The following GDAP2 variants were observed in gnomAD, a reference collection of about 807,000 sequenced individuals.
GDAP2 encodes ganglioside induced differentiation associated protein 2.
GDAP2 carries 51 observed loss-of-function variants against 67.0 expected under a neutral mutation model. That is an observed-to-expected ratio of 0.76 (90% CI 0.61 to 0.96). The LOEUF (loss-of-function observed/expected upper bound fraction) is 0.96. Among genes scored for constraint, GDAP2 ranks in the 40% least tolerant of loss-of-function variants. GDAP2 has a pLI of 0.00. For synonymous variants in GDAP2, 203 were observed against 207.3 expected, an observed-to-expected ratio of 0.98 and a Z score of 0.18; for missense variants, 547 against 588.3, an observed-to-expected ratio of 0.93 and a Z score of 0.73.
intron 8 of GDAP2, among the ~76,000 whole-genome samples, chr1:117,896,233 GTTTAC>G (rs1333663908): frequency 2.0e-5 from 3 of 152,120 alleles, no homozygotes; most frequent in Non-Finnish European, 4.4e-5. Context: ...TTTATAGTTT[GTTTAC>G]TTTAATTTTC....
In GDAP2 at chr1:117,881,697, T is replaced by C. The variant is rs1648651983; in HGVS notation, c.1302+126A>G. On this transcript the variant is annotated intron_variant, in intron 12 of 13. Transcript: ENST00000369443. The stretch of plus-strand genomic sequence containing the variant: ...ATCAGGACCACAACTCAAGATCACT[T>C]AGAAACCAGGAAATTAGCAGTCACA... 3 of 676,096 alleles carry C rather than the reference T, an allele frequency of 4.4e-6. No individual in the cohort carries two copies. In the South Asian group the frequency reaches 5.3e-5, roughly 12 times the overall value. The allele number at this position is 676,096 out of a possible 1,614,324, so 41.9% of individuals were successfully genotyped here.
chr1:117,912,821 ATC>A (rs1649908277), intron 3 of GDAP2, 138 bp from the exon 4 acceptor site: 1 of 702,340 alleles, frequency 1.4e-6, no homozygotes, highest in Non-Finnish European at 2.4e-6. Context: ...ACAAGCATTT[ATC>A]TCTGTTACTT....
chr1:117,878,233 G>C lies in GDAP2; in HGVS notation c.1303-81C>G, dbSNP rs566216203. 5.8e-5 allele frequency: 38 copies of C among 655,808 alleles called. No homozygotes were observed. The African/African-American group carries it at 6.5e-4, about 11-fold the overall frequency. 40.6% of individuals were successfully genotyped at this position (655,808 alleles called of 1,614,324 possible). On this transcript the variant is annotated intron_variant, in intron 12 of 13. Coordinates refer to ENST00000369443, the MANE Select transcript of GDAP2 (RefSeq NM_017686.4). ...AACACAATTTGGAAAATTTATAGTA[G>C]ATAAAAACTATATTTCAAAGTCTTA...
intron 3 of GDAP2, among the ~76,000 whole-genome samples, chr1:117,915,734 T>C (rs572132887): frequency 1.3e-5 from 2 of 152,136 alleles, no homozygotes; most frequent in Non-Finnish European, 2.9e-5. Context: ...ATTCACAAAG[T>C]GAATATAAGA....
Position 117,864,199 on chromosome 1 carries a change from T to A in GDAP2, c.*6370A>T, listed in dbSNP as rs536933779. ...AATAATATTCATGCTCTGAATTATT[T>A]GGATAATTGTATTAAAACCAAATAT... On this transcript the variant is annotated 3_prime_UTR_variant, in exon 14 of 14. Coordinates refer to ENST00000369443, the MANE Select transcript of GDAP2 (RefSeq NM_017686.4). The A allele has an allele frequency of 6.6e-6, 1 of 152,356 alleles. No homozygotes were observed. The highest frequency in any genetic ancestry group is 1.5e-5 in the Non-Finnish European group (1 of 68,038). The allele number at this position is 152,356 out of a possible 1,614,324, so 9.4% of individuals were successfully genotyped here.
chr1:117,921,301 C>T (rs912301690), intron 1 of GDAP2, among the ~76,000 whole-genome samples: 1 of 152,092 alleles, frequency 6.6e-6, no homozygotes, highest in Non-Finnish European at 1.5e-5. Flanking sequence ...ACTGGGCACA[C>T]ACTGGTGAAT....
In GDAP2 at chr1:117,874,229, G is replaced by A. The variant is rs550600055; in HGVS notation, c.1447-3613C>T. Among the ~76,000 whole-genome samples, 5 of 152,292 alleles carry A rather than the reference G, an allele frequency of 3.3e-5. No homozygotes were observed. The South Asian group carries it at 1.0e-3, about 32-fold the overall frequency. ...TGCTGGAAGTAGGGCCTAGTCGGAG[G>A]TGTTTGGGTCATGGGGCAGATCCCT... On this transcript the variant is annotated intron_variant, in intron 13 of 13. Coordinates refer to ENST00000369443, the MANE Select transcript of GDAP2 (RefSeq NM_017686.4).
chr1:117,897,554 G>C (rs1385676312), intron 7 of GDAP2, among the ~76,000 whole-genome samples: 1 of 152,194 alleles, frequency 6.6e-6, no homozygotes, highest in Admixed American at 6.5e-5. Flanking sequence ...GTCCATAAGA[G>C]TTATAGTTTT....
chr1:117,902,271 T>G (rs1479021209), intron 6 of GDAP2, among the ~76,000 whole-genome samples: 1 of 152,234 alleles, frequency 6.6e-6, no homozygotes, highest in Non-Finnish European at 1.5e-5. Context: ...TTTGTTCACT[T>G]TTTAGTTTGC....
At chr1:117,899,352 T>C (rs991535174) in intron 6 of GDAP2, 136 bp from the exon 7 acceptor site, 4 of 640,220 alleles carry the variant, frequency 6.2e-6, no homozygotes, top group Admixed American at 5.2e-5. Context: ...GAGCTCAGAC[T>C]CGATACTGTC....
intron 3 of GDAP2, among the ~76,000 whole-genome samples, chr1:117,915,332 A>C (rs913858014): frequency 1.3e-5 from 2 of 152,226 alleles, no homozygotes; most frequent in Non-Finnish European, 2.9e-5. Context: ...TTCAGTCAAC[A>C]AGTCAGTGTC....
intron 1 of GDAP2, among the ~76,000 whole-genome samples, chr1:117,925,360 G>A (rs1650409911): frequency 6.6e-6 from 1 of 152,162 alleles, no homozygotes; most frequent in Admixed American, 6.5e-5. Flanking sequence ...GGCTGAGGTA[G>A]GAGGATTGCT....
Position 117,900,940 on chromosome 1 carries a change from G to A in GDAP2, c.637-1724C>T, listed in dbSNP as rs771022227. Among the ~76,000 whole-genome samples, 14 of 152,082 alleles carry A rather than the reference G, an allele frequency of 9.2e-5. 1 individual carries two copies. In the South Asian group the frequency reaches 1.5e-3, roughly 16 times the overall value. On this transcript the variant is annotated intron_variant, in intron 6 of 13. Transcript: ENST00000369443. ...CAGGGGGTGGTAGCGGGTGCCTGTA[G>A]TCCCAGCTACTTGGGAGGCTGAGGC...
chr1:117,887,746 A>T lies in GDAP2; in HGVS notation c.982T>A (p.Ser328Thr). 1 of 1,577,984 alleles carries T rather than the reference A, an allele frequency of 6.3e-7. No individual in the cohort carries two copies. Among genetic ancestry groups the T allele is most frequent in the Admixed American group, 1.7e-5 (1 of 59,862 alleles). Reference protein sequence around the residue: ...NYNRWLCQARSEDLSDIASLK... With the variant: ...NYNRWLCQARTEDLSDIASLK... ...GAAGCAATATCAGACAGATCCTCAG[A>T]TCTTGCTTGACATAACCAGCGATTA... Residue 328 changes from serine (S) to threonine (T), a missense_variant, in exon 9 of 14, where the codon TCT becomes ACT. Physicochemically the swap from Ser to Thr is moderately conservative, Grantham distance 58. Transcript: ENST00000369443.
intron 3 of GDAP2, among the ~76,000 whole-genome samples, chr1:117,916,436 G>A (rs1055815644): frequency 6.6e-6 from 1 of 152,120 alleles, no homozygotes; most frequent in Non-Finnish European, 1.5e-5. Context: ...AGTTTAAGGA[G>A]TTTAGAATTT....
At chr1:117,890,857 A>T (rs927550077) in intron 8 of GDAP2, among the ~76,000 whole-genome samples, 1 of 152,016 alleles carries the variant, frequency 6.6e-6, no homozygotes, top group Admixed American at 6.6e-5. Flanking sequence ...ATTCATCCGT[A>T]TCACTGGATT....
At chr1:117,913,596 A>G (rs1266572744) in intron 3 of GDAP2, 1 of 151,906 alleles carries the variant, frequency 6.6e-6, no homozygotes, top group Non-Finnish European at 1.5e-5. Context: ...CTAGGCTTAC[A>G]CTCCTGGAGG....
At chr1:117,889,880 C>A (rs1649007526) in intron 8 of GDAP2, among the ~76,000 whole-genome samples, 1 of 152,004 alleles carries the variant, frequency 6.6e-6, no homozygotes, top group Admixed American at 6.6e-5. Flanking sequence ...TACCTATTAA[C>A]TTCTATACTC....
Position 117,912,068 on chromosome 1 carries a change from G to A in GDAP2, c.485C>T (p.Ser162Phe). ...ATTGATGACACAGAAGCCAACAGAA[G>A]ACATTGACTGCTCTCTGCAACAAAG... Reference protein sequence around the residue: ...VLQLAKEQSMSSVGFCVINSA... With the variant: ...VLQLAKEQSMFSVGFCVINSA... The change falls in exon 5 of 14, where the codon TCT (serine) becomes TTT (phenylalanine). Residue 162 changes from serine (S) to phenylalanine (F), a missense_variant. Physicochemically the swap from Ser to Phe is radical, Grantham distance 155. Coordinates refer to ENST00000369443, the MANE Select transcript of GDAP2 (RefSeq NM_017686.4). 1 of 1,606,130 alleles carries A rather than the reference G, an allele frequency of 6.2e-7. No homozygotes were observed. Among genetic ancestry groups the A allele is most frequent in the Middle Eastern group, 1.7e-4 (1 of 6,050 alleles).
Sources: allele counts gnomAD v4.1 joint callset (sites outside exome capture counted in the v4.1 genomes callset), GRCh38; gene constraint gnomAD v4.1.1; transcripts MANE v1.5; gene names NCBI Gene and HGNC (gene_info 2026-07-23, HGNC 2026-07-21).